PROSER2: variants seen among roughly 807,000 people sequenced by gnomAD.
PROSER2 encodes proline and serine rich 2.
A neutral mutation model predicts 14.6 loss-of-function variants in PROSER2; 18 were observed. That is an observed-to-expected ratio of 1.23 (90% CI 0.85 to 1.83). The LOEUF (loss-of-function observed/expected upper bound fraction) is 1.83. PROSER2 is among the 40% of genes most tolerant of loss of function. PROSER2 has a pLI of 0.00. For synonymous variants in PROSER2, 367 were observed against 286.4 expected, an observed-to-expected ratio of 1.28 and a Z score of -2.84; for missense variants, 823 against 629.8, an observed-to-expected ratio of 1.31 and a Z score of -3.28.
chr10:11,840,274 A>G (rs1246990368), intron 1 of PROSER2, among the ~76,000 whole-genome samples: 2 of 152,044 alleles, frequency 1.3e-5, no homozygotes, highest in African/African-American at 4.8e-5. Context: ...ATTAAAAAAA[A>G]AAAAAAGAAA....
intron 1 of PROSER2, among the ~76,000 whole-genome samples, chr10:11,833,416 T>C (rs1159261593): frequency 6.6e-6 from 1 of 150,664 alleles, no homozygotes; most frequent in Non-Finnish European, 1.5e-5. Context: ...GCCGGCTGGG[T>C]GTGGTGGCTC....
chr10:11,857,944 T>TC (rs904596014), intron 2 of PROSER2, among the ~76,000 whole-genome samples: 21 of 151,316 alleles, frequency 1.4e-4, no homozygotes, highest in South Asian at 4.2e-4. Context: ...TCTTTTTTTT[T>TC]CCCCCCCAAG....
chr10:11,856,804 G>A lies in PROSER2; in HGVS notation c.138+4589G>A, dbSNP rs1166762305. Among the ~76,000 whole-genome samples the A allele has an allele frequency of 6.6e-6, 1 of 152,160 alleles. No individual in the cohort carries two copies. Among genetic ancestry groups the A allele is most frequent in the African/African-American group, 2.4e-5 (1 of 41,420 alleles). Reference sequence around the variant, plus strand: ...TAAGAAGGCATGGCAAGCACTGGGGGGCTTCCCACGTGGCCGGGCCGGAGC... The same window carrying A: ...TAAGAAGGCATGGCAAGCACTGGGGAGCTTCCCACGTGGCCGGGCCGGAGC... On this transcript the variant is annotated intron_variant, in intron 2 of 3. Coordinates refer to ENST00000277570, the MANE Select transcript of PROSER2 (RefSeq NM_153256.4). The surrounding 1 kb of genome is among the most constrained non-coding windows in gnomAD (Gnocchi z 5.3).
At chr10:11,851,886 C>T in intron 1 of PROSER2, 111 bp from the exon 2 acceptor site, 1 of 474,000 alleles carries the variant, frequency 2.1e-6, no homozygotes, top group Non-Finnish European at 3.4e-6. Context: ...CGCCTTTACC[C>T]TAATGGTCGA....
At chr10:11,868,868 C>CACCACG (rs1834405078) in intron 3 of PROSER2, among the ~76,000 whole-genome samples, 1 of 152,184 alleles carries the variant, frequency 6.6e-6, no homozygotes, top group Non-Finnish European at 1.5e-5. Context: ...CCAGGCTGGT[C>CACCACG]TTGAACTTCT....
At position 11,838,606 on chromosome 10, in the gene PROSER2, T is replaced by G. The variant is rs1460001694; in HGVS notation, c.-81-13391T>G. 6.6e-6 allele frequency among the ~76,000 whole-genome samples: 1 copy of G among 152,230 alleles called. No homozygotes were observed. Among genetic ancestry groups the G allele is most frequent in the Non-Finnish European group, 1.5e-5 (1 of 68,034 alleles). Reference sequence around the variant, plus strand: ...TTGCCCAGTTGCCCTACAGAAAGGTTGTATGAATTCATTCCCAGCAGGTTC... The same window carrying G: ...TTGCCCAGTTGCCCTACAGAAAGGTGGTATGAATTCATTCCCAGCAGGTTC... On this transcript the variant is annotated intron_variant, in intron 1 of 3. Coordinates refer to ENST00000277570, the MANE Select transcript of PROSER2 (RefSeq NM_153256.4). This position sits in a 1 kb window ranked among gnomAD's most constrained non-coding sequence, Gnocchi z 4.4.
At chr10:11,835,119 A>AAAAAG (rs1833743047) in intron 1 of PROSER2, among the ~76,000 whole-genome samples, 2 of 142,482 alleles carry the variant, frequency 1.4e-5, no homozygotes, top group African/African-American at 2.6e-5. Context: ...AAAAAAAAAA[A>AAAAAG]AAAAAGAAAA....
chr10:11,869,414 A>G lies in PROSER2; in HGVS notation c.392-76A>G. 3 of 1,130,190 alleles carry G rather than the reference A, an allele frequency of 2.7e-6. No individual in the cohort carries two copies. The highest frequency in any genetic ancestry group is 4.0e-6 in the Non-Finnish European group (3 of 750,968). 70.0% of individuals were successfully genotyped at this position (1,130,190 alleles called of 1,614,324 possible). On this transcript the variant is annotated intron_variant, in intron 3 of 3. Transcript: ENST00000277570. This position sits in a 1 kb window ranked among gnomAD's most constrained non-coding sequence, Gnocchi z 4.4. Reference sequence around the variant, plus strand: ...TCAGGTCCAGGTTGAGGCTCTTTTCAGTTCAGCGAGAGGGAACTTCATGCA... The same window carrying G: ...TCAGGTCCAGGTTGAGGCTCTTTTCGGTTCAGCGAGAGGGAACTTCATGCA...
intron 1 of PROSER2, among the ~76,000 whole-genome samples, chr10:11,832,934 C>T (rs570569491): frequency 1.3e-5 from 2 of 152,188 alleles, no homozygotes; most frequent in African/African-American, 4.8e-5. Context: ...CCTCCACCTC[C>T]CAAATTCAAG....
At chr10:11,867,154 A>G (rs1230147017) in intron 3 of PROSER2, among the ~76,000 whole-genome samples, 1 of 150,952 alleles carries the variant, frequency 6.6e-6, no homozygotes, top group Non-Finnish European at 1.5e-5. Flanking sequence ...AGTCCCAGCT[A>G]CTCAGGAGGC....
In PROSER2 at chr10:11,866,887, G is replaced by T. The variant is rs770376186; in HGVS notation, c.391+104G>T. On this transcript the variant is annotated intron_variant, in intron 3 of 3. Coordinates refer to ENST00000277570, the MANE Select transcript of PROSER2 (RefSeq NM_153256.4). The surrounding 1 kb of genome is among the most constrained non-coding windows in gnomAD (Gnocchi z 6.0). ...CCTGTGTTTGCCAGTAGAAGTTGTT[G>T]AGTCTTACCAGATTTTTATAGGGGA... 1.5e-6 allele frequency: 2 copies of T among 1,357,526 alleles called. No individual in the cohort carries two copies. The highest frequency in any genetic ancestry group is 1.5e-5 in the South Asian group (1 of 68,764). 84.1% of individuals were successfully genotyped at this position (1,357,526 alleles called of 1,614,324 possible).
rs1310512900 is a variant in PROSER2 at position 11,869,271 on chromosome 10, A to G, written c.392-219A>G. ...TGTGGACTGTCTGACTTGCAGGGCT[A>G]TCGTGATTGTCCCTTATCAGCGTGA... On this transcript the variant is annotated intron_variant, in intron 3 of 3. Coordinates refer to ENST00000277570, the MANE Select transcript of PROSER2 (RefSeq NM_153256.4). The surrounding 1 kb of genome is among the most constrained non-coding windows in gnomAD (Gnocchi z 4.4). The G allele has an allele frequency of 3.4e-6, 2 of 592,024 alleles. No individual in the cohort carries two copies. Among genetic ancestry groups the G allele is most frequent in the East Asian group, 2.8e-5 (1 of 35,360 alleles). 36.7% of individuals were successfully genotyped at this position (592,024 alleles called of 1,614,324 possible).
At chr10:11,854,722 T>C (rs1834090780) in intron 2 of PROSER2, among the ~76,000 whole-genome samples, 1 of 151,984 alleles carries the variant, frequency 6.6e-6, no homozygotes, top group Non-Finnish European at 1.5e-5. Context: ...CATCCCCGAC[T>C]AATTTTTGTA....
Position 11,836,110 on chromosome 10 carries a change from C to T in PROSER2, c.-82+12640C>T, listed in dbSNP as rs924356947. On this transcript the variant is annotated intron_variant, in intron 1 of 3. Transcript: ENST00000277570. The surrounding 1 kb of genome is among the most constrained non-coding windows in gnomAD (Gnocchi z 4.6). ...GCAGTGGCACGATCTTGGCTCACTG[C>T]AACCTCGGCCTTCTGGGTTCAAGCG... 1.3e-5 allele frequency among the ~76,000 whole-genome samples: 2 copies of T among 152,188 alleles called. No homozygotes were observed. The highest frequency in any genetic ancestry group is 4.8e-5 in the African/African-American group (2 of 41,434).
intron 1 of PROSER2, among the ~76,000 whole-genome samples, chr10:11,824,431 C>A (rs1833583410): frequency 6.6e-6 from 1 of 152,182 alleles, no homozygotes; most frequent in Non-Finnish European, 1.5e-5. Flanking sequence ...ATTAAAAATA[C>A]TTTTTACATT....
chr10:11,857,832 T>A (rs1336341721), intron 2 of PROSER2, among the ~76,000 whole-genome samples: 1 of 151,302 alleles, frequency 6.6e-6, no homozygotes, highest in African/African-American at 2.4e-5. Flanking sequence ...GAAGAGAGAC[T>A]CTAAGTGCAG....
At chr10:11,858,324 G>A (rs1240239025) in intron 2 of PROSER2, among the ~76,000 whole-genome samples, 3 of 152,156 alleles carry the variant, frequency 2.0e-5, no homozygotes, top group African/African-American at 7.2e-5. Context: ...TGATTCTACC[G>A]TTTCTCTAAT....
chr10:11,866,763 C>T lies in PROSER2; in HGVS notation c.371C>T (p.Pro124Leu), dbSNP rs1317104691. The T allele has an allele frequency of 1.2e-6, 2 of 1,612,028 alleles. No homozygotes were observed. Among genetic ancestry groups the T allele is most frequent in the East Asian group, 2.2e-5 (1 of 44,888 alleles). Residue 124 changes from proline (P) to leucine (L), a missense_variant, in exon 3 of 4, where the codon CCA (proline) becomes CTA (leucine). Physicochemically the swap from Pro to Leu is moderately conservative, Grantham distance 98. Transcript: ENST00000277570. The surrounding 1 kb of genome is among the most constrained non-coding windows in gnomAD (Gnocchi z 6.0). ...APGAGEAEGLPEGTQAAGPAP... is the reference protein window; with the variant it reads ...APGAGEAEGLLEGTQAAGPAP... ...GGCGCCGGGGAAGCCGAGGGCCTTC[C>T]AGAGGGGACCCAGGCAGCAGGTGAG...
intron 2 of PROSER2, among the ~76,000 whole-genome samples, chr10:11,859,566 C>G (rs771953590): frequency 6.6e-6 from 1 of 152,194 alleles, no homozygotes; most frequent in South Asian, 2.1e-4. Context: ...ATTTTTGCTT[C>G]TCATTTCCTA....
Sources: gnomAD v4.1 joint callset for allele counts (sites outside exome capture counted in the v4.1 genomes callset) on GRCh38, gnomAD v4.1.1 for gene constraint, Gnocchi (gnomAD v3.1) non-coding constraint, MANE v1.5 for transcripts, NCBI Gene and HGNC (gene_info 2026-07-23, HGNC 2026-07-21) for gene names.